The following JAG2 variants were observed in gnomAD, a reference collection of about 807,000 sequenced individuals.
JAG2 encodes the protein jagged canonical Notch ligand 2, also known as protein jagged-2.
A neutral mutation model predicts 141.7 loss-of-function variants in JAG2; 46 were observed. The ratio of observed to expected loss-of-function variants is 0.32; its 90% CI spans 0.26 to 0.42. The LOEUF (loss-of-function observed/expected upper bound fraction) is 0.42, where lower values mean the gene tolerates loss of function less well. Among genes scored for constraint, JAG2 ranks in the 10% least tolerant of loss-of-function variants. JAG2 has a pLI of 1.00. For synonymous variants in JAG2, 862 were observed against 763.5 expected, an observed-to-expected ratio of 1.13 and a Z score of -2.13; for missense variants, 1,500 against 1,817.5, an observed-to-expected ratio of 0.83 and a Z score of 3.18.
At chr14:105,151,535 G>C in intron 8 of JAG2, 91 bp downstream of exon 8, 2 of 1,338,982 alleles carry the variant, frequency 1.5e-6, no homozygotes, top group Non-Finnish European at 2.1e-6. Flanking sequence ...GTGTGGACTT[G>C]ACCACTGCAC....
rs764883919 is a variant in JAG2, at chr14:105,149,268, T to C, written c.1655A>G (p.Tyr552Cys). ...GCAGTAATAGTCACCCTCCAGGTTATAGCAGCGAGCGCCGTTCCGGCAGGG... is the reference window on the plus strand; with the variant it reads ...GCAGTAATAGTCACCCTCCAGGTTACAGCAGCGAGCGCCGTTCCGGCAGGG... The part of the protein sequence containing the change: ...PSPCRNGARC[Y>C]NLEGDYYCAC... Residue 552 changes from tyrosine (Y) to cysteine (C), a missense_variant, in exon 13 of 26, where the codon TAT (tyrosine) becomes TGT (cysteine). By Grantham distance (194) the Tyr-to-Cys change is radical. Around this residue, in one of 3 missense-constraint regions of JAG2, gnomAD observed 875 missense variants for 1,202.2 expected, o/e 0.73. Coordinates refer to ENST00000331782, the MANE Select transcript of JAG2 (RefSeq NM_002226.5). 6.2e-7 allele frequency: 1 copy of C among 1,612,710 alleles called. No homozygotes were observed.
chr14:105,146,112 G>T, intron 22 of JAG2, 139 bp from the exon 23 acceptor site: 2 of 1,394,390 alleles, frequency 1.4e-6, no homozygotes, highest in Non-Finnish European at 9.7e-7. Flanking sequence ...CCAGGGCCCA[G>T]CCCACCCCCT....
chr14:105,146,789 C>T, intron 20 of JAG2, 65 bp from the exon 21 acceptor site: 1 of 1,324,194 alleles, frequency 7.6e-7, no homozygotes, highest in Admixed American at 1.9e-5. Context: ...CCGGCATGGC[C>T]TAGGGCAGCG....
At position 105,151,280 on chromosome 14, in the gene JAG2, T is replaced by C. The variant is rs751463866; in HGVS notation, c.1267+3A>G. 3.7e-6 allele frequency: 6 copies of C among 1,611,078 alleles called. No individual in the cohort carries two copies. The highest frequency in any genetic ancestry group is 1.3e-5 in the African/African-American group (1 of 74,870). On this transcript the variant is annotated splice_donor_region_variant and intron_variant, in intron 9 of 25. Coordinates refer to ENST00000331782, the MANE Select transcript of JAG2 (RefSeq NM_002226.5). The stretch of plus-strand genomic sequence containing the variant: ...TTCCCATGCACTCGCTCGGAGCCCT[T>C]ACCCAGCTGGCAGGTGGCCCCCACC...
chr14:105,165,400 C>A (rs1039806234), intron 2 of JAG2, among the ~76,000 whole-genome samples: 3 of 152,232 alleles, frequency 2.0e-5, no homozygotes, highest in African/African-American at 7.2e-5. Flanking sequence ...ACAAGCCAGG[C>A]ACCAGAACCA....
chr14:105,148,002 GGGCAGGT>G (rs199708947), intron 17 of JAG2, 107 bp downstream of exon 17: 25,836 of 1,144,650 alleles, frequency 0.023, 635 homozygotes, highest in South Asian at 0.09. Flanking sequence ...AGGGGGCAGG[GGGCAGGT>G]GGCAGGTGTG....
intron 2 of JAG2, among the ~76,000 whole-genome samples, chr14:105,165,995 C>T (rs867834330): frequency 6.6e-6 from 1 of 152,144 alleles, no homozygotes. Flanking sequence ...AGCTCCCGCC[C>T]GGCAGCCAGG....
chr14:105,150,472 G>C, intron 12 of JAG2, 132 bp downstream of exon 12: 1 of 933,168 alleles, frequency 1.1e-6, no homozygotes, highest in Non-Finnish European at 1.6e-6. Context: ...GTGGAGAGCT[G>C]AGCCTGGGAC....
chr14:105,150,829 G>A (rs186020705), intron 11 of JAG2, 36 bp downstream of exon 11: 130 of 1,573,032 alleles, frequency 8.3e-5, no homozygotes, highest in Non-Finnish European at 1.1e-4. Context: ...CGGCCCCGCA[G>A]CACCCACGCC....
At position 105,155,594 on chromosome 14, in the gene JAG2, G is replaced by A. The variant is rs753144118; in HGVS notation, c.756C>T (p.Leu252=). ...EAVCKQGCNL[L]HGGCTVPGEC... ...CCCCAGGCACGGTGCATCCCCCGTGGAGCAAATTACACCCTTGTTTACACA... is the reference window on the plus strand; with the variant it reads ...CCCCAGGCACGGTGCATCCCCCGTGAAGCAAATTACACCCTTGTTTACACA... The change falls in exon 5 of 26, where the codon CTC becomes CTT. Residue 252 remains leucine (L), a synonymous_variant. Coordinates refer to ENST00000331782, the MANE Select transcript of JAG2 (RefSeq NM_002226.5). 9 of 1,612,736 alleles carry A rather than the reference G, an allele frequency of 5.6e-6. No individual in the cohort carries two copies. The African/African-American group carries it at 1.1e-4, about 19-fold the overall frequency.
At chr14:105,163,259 G>A (rs1240856751) in intron 2 of JAG2, among the ~76,000 whole-genome samples, 1 of 152,200 alleles carries the variant, frequency 6.6e-6, no homozygotes, top group Non-Finnish European at 1.5e-5. Flanking sequence ...GGGAAGAAGG[G>A]GTGGGGGCAA....
rs61730146 is a variant in JAG2, at chr14:105,152,190, G to A, written c.890C>T (p.Thr297Ile). Reference protein sequence around the residue: ...CVEPWQCNCETNWGGLLCDKD... With the variant: ...CVEPWQCNCEINWGGLLCDKD... ...GTCACAGAGCAGGCCGCCCCAGTTG[G>A]TCTCACAGTTGCACTGCCAGGGCTC... Residue 297 changes from threonine (T) to isoleucine (I), a missense_variant, in exon 6 of 26, where the codon ACC (threonine) becomes ATC (isoleucine). This residue lies in a region of JAG2 where 875 missense variants were observed against 1,202.2 expected (regional missense o/e 0.73). Transcript: ENST00000331782. The A allele has an allele frequency of 8.8e-4, 1,424 of 1,613,750 alleles. 8 individuals are homozygous for A. In the African/African-American group the frequency reaches 0.017, roughly 20 times the overall value.
rs1888987876 is a variant in JAG2, at chr14:105,168,336, C to T, written c.66+19G>A. 3 of 850,326 alleles carry T rather than the reference C, an allele frequency of 3.5e-6. No individual in the cohort carries two copies. The highest frequency in any genetic ancestry group is 4.3e-6 in the Non-Finnish European group (3 of 690,306). 52.7% of individuals were successfully genotyped at this position (850,326 alleles called of 1,614,324 possible). A position where few individuals can be genotyped will look rare whatever the true frequency, so the allele number is the denominator to read the frequency against. On this transcript the variant is annotated intron_variant, in intron 1 of 25. Transcript: ENST00000331782. ...TGTGCCCCGTCCGCGACCCCCGCCGCCCCCGCCGCCCCGCTCACCTGCACC... is the reference window on the plus strand; with the variant it reads ...TGTGCCCCGTCCGCGACCCCCGCCGTCCCCGCCGCCCCGCTCACCTGCACC...
rs201049510 is a variant in JAG2, at chr14:105,148,920, C to T, written c.1906+17G>A. The T allele has an allele frequency of 2.8e-4, 454 of 1,600,460 alleles. 2 individuals carry two copies. The Middle Eastern group carries it at 5.8e-3, about 20-fold the overall frequency. On this transcript the variant is annotated intron_variant, in intron 14 of 25. Transcript: ENST00000331782. Reference sequence around the variant, plus strand: ...CAGCCCAGCCCCACCACCAGCCCGCCGTTCGTGGCCACTCACTCTCATGGC... The same window carrying T: ...CAGCCCAGCCCCACCACCAGCCCGCTGTTCGTGGCCACTCACTCTCATGGC...
chr14:105,154,517 A>G lies in JAG2; in HGVS notation c.788+1045T>C, dbSNP rs955956503. ...GCCAGCCCCCCTGGCTGGATCCCCC[A>G]CACTCTGGTCTGGGTCCAGAGGCCT... On this transcript the variant is annotated intron_variant, in intron 5 of 25. Transcript: ENST00000331782. This position sits in a 1 kb window ranked among gnomAD's most constrained non-coding sequence, Gnocchi z 4.4. Among the ~76,000 whole-genome samples, 2 of 151,976 alleles carry G rather than the reference A, an allele frequency of 1.3e-5. No homozygotes were observed. The highest frequency in any genetic ancestry group is 4.8e-5 in the African/African-American group (2 of 41,366).
chr14:105,146,730 G>A lies in JAG2; in HGVS notation c.2480-6C>T. The stretch of plus-strand genomic sequence containing the variant: ...GGACTGGCACTCGTCGATGTCTGCA[G>A]GGAGAGCCACCGCTGCTCAGTGCAG... On this transcript the variant is annotated splice_polypyrimidine_tract_variant and splice_region_variant and intron_variant, in intron 20 of 25. Transcript: ENST00000331782. 1.2e-6 allele frequency: 2 copies of A among 1,607,556 alleles called. No individual in the cohort carries two copies. Among genetic ancestry groups the A allele is most frequent in the African/African-American group, 1.3e-5 (1 of 74,966 alleles).
chr14:105,145,767 G>A lies in JAG2; in HGVS notation c.2916C>T (p.Arg972=), dbSNP rs1595173146. Reference sequence around the variant, plus strand: ...GGTCACGGTTGAAATGCAAGGTGAGGCGGGCACAGTTATTGTCCAGGTGGC... The same window carrying A: ...GGTCACGGTTGAAATGCAAGGTGAGACGGGCACAGTTATTGTCCAGGTGGC... The part of the protein sequence containing the change: ...RSGHLDNNCA[R]LTLHFNRDHV... Residue 972 remains arginine (R), a synonymous_variant, in exon 23 of 26, where the codon CGC becomes CGT. Transcript: ENST00000331782. 1.3e-6 allele frequency: 2 copies of A among 1,589,752 alleles called. No individual in the cohort carries two copies. The highest frequency in any genetic ancestry group is 1.3e-5 in the African/African-American group (1 of 74,394).
Position 105,150,784 on chromosome 14 carries a change from G to C in JAG2, c.1429-7C>G. On this transcript the variant is annotated splice_region_variant and splice_polypyrimidine_tract_variant and intron_variant, in intron 11 of 25. Coordinates refer to ENST00000331782, the MANE Select transcript of JAG2 (RefSeq NM_002226.5). ...GGTACCCGTTCACCAGGTCCTGGGC[G>C]GGCCAGCCAGGTGAGCGTCCCGCAG... is the stretch of plus-strand genomic sequence containing the variant. 1 of 1,583,598 alleles carries C rather than the reference G, an allele frequency of 6.3e-7. No individual in the cohort carries two copies. Among genetic ancestry groups the C allele is most frequent in the Non-Finnish European group, 8.6e-7 (1 of 1,165,482 alleles).
Position 105,152,154 on chromosome 14 carries a change from C to A in JAG2, c.919+7G>T. 6.2e-7 allele frequency: 1 copy of A among 1,613,722 alleles called. No individual in the cohort carries two copies. The highest frequency in any genetic ancestry group is 8.5e-7 in the Non-Finnish European group (1 of 1,180,008). Reference sequence around the variant, plus strand: ...AGAGCATTAGGCCTGCCGCCCCCTACCACTACCTTTGTCACAGAGCAGGCC... The same window carrying A: ...AGAGCATTAGGCCTGCCGCCCCCTAACACTACCTTTGTCACAGAGCAGGCC... On this transcript the variant is annotated splice_region_variant and intron_variant, in intron 6 of 25. Coordinates refer to ENST00000331782, the MANE Select transcript of JAG2 (RefSeq NM_002226.5).
Sources: gnomAD v4.1 joint callset for allele counts (sites outside exome capture counted in the v4.1 genomes callset) on GRCh38, gnomAD v4.1.1 for gene constraint, gnomAD v4.1.1 regional missense constraint, Gnocchi (gnomAD v3.1) non-coding constraint, MANE v1.5 for transcripts, NCBI Gene and HGNC (gene_info 2026-07-23, HGNC 2026-07-21) for gene names.